Variants in DPP4 observed in about 807,000 individuals in gnomAD.
DPP4 encodes the protein dipeptidyl peptidase 4.
In DPP4, 93 loss-of-function variants were observed where a neutral mutation model predicts 122.4. The observed-to-expected ratio is 0.76, with a 90% CI of 0.64 to 0.90. The LOEUF is 0.90. Ranked by LOEUF, DPP4 falls within the 40% of genes least tolerant of loss-of-function variation. The pLI, the probability that DPP4 is intolerant of heterozygous loss-of-function variation, is 0.00. For missense variants in DPP4, 914 were observed against 907.3 expected, an observed-to-expected ratio of 1.01 and a Z score of -0.09; for synonymous variants, 321 against 302.9, an observed-to-expected ratio of 1.06 and a Z score of -0.62.
chr2:162,060,334 T>C (rs868744485), intron 2 of DPP4, among the ~76,000 whole-genome samples: 2 of 152,242 alleles, frequency 1.3e-5, no homozygotes, highest in Non-Finnish European at 2.9e-5. Context: ...CAGAAAACTC[T>C]AGAATTTTCC....
At chr2:162,030,226 T>C (rs1040539059) in intron 10 of DPP4, among the ~76,000 whole-genome samples, 6 of 152,240 alleles carry the variant, frequency 3.9e-5, no homozygotes, top group Non-Finnish European at 8.8e-5. Flanking sequence ...AATAGCATCA[T>C]AACAAATCTA....
intron 2 of DPP4, among the ~76,000 whole-genome samples, chr2:162,062,185 G>C (rs1684798448): frequency 6.6e-6 from 1 of 152,196 alleles, no homozygotes; most frequent in Non-Finnish European, 1.5e-5. Flanking sequence ...GGGAGGCTGA[G>C]GCGGGAGAAT....
intron 19 of DPP4, among the ~76,000 whole-genome samples, chr2:162,012,347 C>T (rs546872532): frequency 3.5e-4 from 54 of 152,156 alleles, no homozygotes; most frequent in African/African-American, 1.2e-3. Context: ...ACAATAAATG[C>T]AGCTTTGGAT....
At chr2:162,019,514 T>C (rs993163914) in intron 14 of DPP4, among the ~76,000 whole-genome samples, 2 of 151,476 alleles carry the variant, frequency 1.3e-5, no homozygotes, top group Admixed American at 1.3e-4. Context: ...ATTTCTTCCT[T>C]AATTAGAGTG....
chr2:162,033,785 T>C (rs936881999), intron 9 of DPP4, 132 bp from the exon 10 acceptor site: 41 of 532,782 alleles, frequency 7.7e-5, no homozygotes, highest in East Asian at 5.1e-4. Flanking sequence ...GTTCCAACAA[T>C]TTAATATACA....
chr2:162,038,554 C>T, intron 7 of DPP4, 132 bp from the exon 8 acceptor site: 3 of 950,042 alleles, frequency 3.2e-6, no homozygotes, highest in Non-Finnish European at 4.7e-6. Context: ...CAGGAAGAGT[C>T]ATTTACTCCT....
At chr2:162,038,276 A>T (rs913807249) in intron 8 of DPP4, 26 bp downstream of exon 8, 1 of 1,517,262 alleles carries the variant, frequency 6.6e-7, no homozygotes, top group Admixed American at 2.4e-5. Flanking sequence ...AGATTTTCTG[A>T]TTTGAAAAAG....
chr2:162,073,725 G>A (rs1685207387), intron 1 of DPP4: 1 of 674,930 alleles, frequency 1.5e-6, no homozygotes, highest in South Asian at 2.0e-5. Flanking sequence ...ACCCCTGCCC[G>A]GGTTCGGGCG....
intron 10 of DPP4, among the ~76,000 whole-genome samples, chr2:162,031,514 T>C (rs1426427473): frequency 6.6e-6 from 1 of 152,212 alleles, no homozygotes; most frequent in East Asian, 1.9e-4. Flanking sequence ...CAGGCAGATA[T>C]TGGTGACAGA....
rs536731446 is a variant in DPP4, at chr2:162,045,399, C to A, written c.366+133G>T. On this transcript the variant is annotated intron_variant, in intron 5 of 25. Transcript: ENST00000360534. ...TTTAAGAATGAGAATGACTCTGATT[C>A]TGAATTAATGAGTTTTAGTGCCTAT... The A allele has an allele frequency of 4.0e-5, 26 of 656,324 alleles. 1 individual carries two copies. The Admixed American group carries it at 7.9e-4, about 20-fold the overall frequency. 40.7% of individuals were successfully genotyped at this position (656,324 alleles called of 1,614,324 possible). A position where few individuals can be genotyped will look rare whatever the true frequency, so the allele number is the denominator to read the frequency against.
At chr2:162,047,556 T>G in intron 2 of DPP4, 55 bp from the exon 3 acceptor site, 1 of 1,283,330 alleles carries the variant, frequency 7.8e-7, no homozygotes, top group African/African-American at 1.5e-5. Context: ...TAACCTAAGT[T>G]TTGGATAAAA....
chr2:162,064,615 T>G (rs918596624), intron 2 of DPP4, among the ~76,000 whole-genome samples: 3 of 152,242 alleles, frequency 2.0e-5, no homozygotes, highest in African/African-American at 7.2e-5. Flanking sequence ...TATTATGAAC[T>G]GGATGAAATG....
intron 23 of DPP4, among the ~76,000 whole-genome samples, chr2:162,004,251 A>T (rs1386073665): frequency 1.3e-5 from 2 of 152,170 alleles, no homozygotes; most frequent in Non-Finnish European, 2.9e-5. Context: ...AATAGACTGG[A>T]GTGTGAGAAG....
At chr2:162,000,852 G>A (rs1701129009) in intron 23 of DPP4, among the ~76,000 whole-genome samples, 1 of 152,114 alleles carries the variant, frequency 6.6e-6, no homozygotes, top group Admixed American at 6.6e-5. Context: ...TTCTCTCTGT[G>A]TGTATTCATA....
intron 19 of DPP4, among the ~76,000 whole-genome samples, chr2:162,013,101 GT>G (rs2106091477): frequency 6.7e-6 from 1 of 148,874 alleles, no homozygotes; most frequent in African/African-American, 2.5e-5. Context: ...TATATATCAA[GT>G]TCCCTAACCC....
chr2:162,017,231 A>C, intron 16 of DPP4, 76 bp from the exon 17 acceptor site: 1 of 1,268,084 alleles, frequency 7.9e-7, no homozygotes, highest in Non-Finnish European at 1.1e-6. Context: ...CTTTTCAAAA[A>C]TACCATTTGT....
At chr2:162,029,105 G>C (rs1398897093) in intron 10 of DPP4, among the ~76,000 whole-genome samples, 2 of 152,196 alleles carry the variant, frequency 1.3e-5, no homozygotes, top group Non-Finnish European at 2.9e-5. Flanking sequence ...TGAATGCACT[G>C]AGAGAGACTT....
At position 162,071,450 on chromosome 2, in the gene DPP4, TG is replaced by T. The variant is rs557296053; in HGVS notation, c.94+1948del. Among the ~76,000 whole-genome samples the T allele has an allele frequency of 2.4e-3, 367 of 152,258 alleles. 2 individuals carry two copies. Among genetic ancestry groups the T allele is most frequent in the African/African-American group, 8.4e-3 (350 of 41,562 alleles). ...TGAGGTCAGGAGATAAAGACCATCCTGGCCAACATGGTAAAACCCCATCTAT... is the reference window on the plus strand; with the variant it reads ...TGAGGTCAGGAGATAAAGACCATCCTGCCAACATGGTAAAACCCCATCTAT... On this transcript the variant is annotated intron_variant, in intron 2 of 25. Coordinates refer to ENST00000360534, the MANE Select transcript of DPP4 (RefSeq NM_001935.4).
rs114372998 is a variant in DPP4 at position 162,029,776 on chromosome 2, A to G, written c.887+3765T>C. On this transcript the variant is annotated intron_variant, in intron 10 of 25. Coordinates refer to ENST00000360534, the MANE Select transcript of DPP4 (RefSeq NM_001935.4). ...AACAGATGTTGGGTGGGGTTACTAC[A>G]GTAGAACATGCCCTTTCCAATCCCC... Among the ~76,000 whole-genome samples, 407 of 151,868 alleles carry G rather than the reference A, an allele frequency of 2.7e-3. 3 individuals are homozygous for G. The highest frequency in any genetic ancestry group is 3.8e-3 in the Admixed American group (58 of 15,296).
Sources: gnomAD v4.1 joint callset for allele counts (sites outside exome capture counted in the v4.1 genomes callset) on GRCh38, gnomAD v4.1.1 for gene constraint, MANE v1.5 for transcripts, NCBI Gene and HGNC (gene_info 2026-07-23, HGNC 2026-07-21) for gene names.